Variants in SLC16A7 observed in about 807,000 individuals in gnomAD.
SLC16A7 encodes solute carrier family 16 member 7.
SLC16A7 carries 33 observed loss-of-function variants against 34.9 expected under a neutral mutation model. The ratio of observed to expected loss-of-function variants is 0.94; its 90% CI spans 0.72 to 1.26. SLC16A7 has a LOEUF of 1.26. SLC16A7 is among the 50% of genes most tolerant of loss of function. The pLI is 0.00. For synonymous variants in SLC16A7, 201 were observed against 206.6 expected (o/e 0.97, Z 0.23); for missense variants, 573 against 578.1 (o/e 0.99, Z 0.09).
chr12:59,604,244 G>C (rs758655255), intron 1 of SLC16A7, among the ~76,000 whole-genome samples: 14 of 152,188 alleles, frequency 9.2e-5, no homozygotes, highest in Non-Finnish European at 1.9e-4. Context: ...GTGTCAGGGT[G>C]GGAAATCAAG....
chr12:59,753,403 GGAA>G (rs1879851575), intron 3 of SLC16A7, among the ~76,000 whole-genome samples: 1 of 152,116 alleles, frequency 6.6e-6, no homozygotes, highest in Non-Finnish European at 1.5e-5. Flanking sequence ...ATAAAAGGAT[GGAA>G]GAAGATCTAC....
At chr12:59,665,958 A>C (rs1263875771) in intron 2 of SLC16A7, among the ~76,000 whole-genome samples, 1 of 152,098 alleles carries the variant, frequency 6.6e-6, no homozygotes, top group Admixed American at 6.6e-5. Flanking sequence ...AGTAAACATC[A>C]AAAGCTAAAT....
chr12:59,598,134 C>G (rs1878510682), intron 1 of SLC16A7, among the ~76,000 whole-genome samples: 1 of 152,172 alleles, frequency 6.6e-6, no homozygotes, highest in Non-Finnish European at 1.5e-5. Flanking sequence ...GCTTTTAATT[C>G]TGTATTCATC....
chr12:59,714,645 A>G (rs1289505772), intron 3 of SLC16A7, among the ~76,000 whole-genome samples: 3 of 151,220 alleles, frequency 2.0e-5, no homozygotes, highest in African/African-American at 7.3e-5. Context: ...GCTCACTGCA[A>G]CCTCCGCCTC....
At chr12:59,748,136 A>C (rs1480405501) in intron 3 of SLC16A7, among the ~76,000 whole-genome samples, 1 of 152,104 alleles carries the variant, frequency 6.6e-6, no homozygotes, top group African/African-American at 2.4e-5. Flanking sequence ...TAATCGAGGG[A>C]TTGGTAGAAG....
chr12:59,683,295 CT>C (rs1226717641), intron 2 of SLC16A7, among the ~76,000 whole-genome samples: 1 of 152,056 alleles, frequency 6.6e-6, no homozygotes, highest in Non-Finnish European at 1.5e-5. Flanking sequence ...GGTATGCCTT[CT>C]ATTGAAGATG....
chr12:59,712,227 C>A (rs1012624450), intron 3 of SLC16A7, among the ~76,000 whole-genome samples: 3 of 152,046 alleles, frequency 2.0e-5, no homozygotes, highest in African/African-American at 7.2e-5. Context: ...AGTGAAACTG[C>A]AGATAAGGAA....
chr12:59,666,932 T>G (rs1465930620), intron 2 of SLC16A7, among the ~76,000 whole-genome samples: 1 of 152,138 alleles, frequency 6.6e-6, no homozygotes, highest in African/African-American at 2.4e-5. Flanking sequence ...TGTTTCCCAC[T>G]GCTGATAAAG....
intron 1 of SLC16A7, among the ~76,000 whole-genome samples, chr12:59,649,617 A>G (rs1282510420): frequency 6.6e-6 from 1 of 152,046 alleles, no homozygotes; most frequent in Non-Finnish European, 1.5e-5. Flanking sequence ...CTGGATCTAT[A>G]CCTCTGGTTT....
intron 2 of SLC16A7, among the ~76,000 whole-genome samples, chr12:59,704,199 C>CAAAAAAA (rs34021022): frequency 1.2e-3 from 60 of 51,306 alleles, no homozygotes; most frequent in Admixed American, 1.9e-3. Context: ...GACTCTGTCT[C>CAAAAAAA]AAAAAAAAAA....
chr12:59,636,423 T>G (rs1388492219), intron 1 of SLC16A7, among the ~76,000 whole-genome samples: 1 of 152,148 alleles, frequency 6.6e-6, no homozygotes, highest in Non-Finnish European at 1.5e-5. Flanking sequence ...ACATACTTTT[T>G]TTTACATCTG....
At chr12:59,756,136 C>T (rs145270754) in intron 3 of SLC16A7, among the ~76,000 whole-genome samples, 404 of 152,232 alleles carry the variant, frequency 2.7e-3, no homozygotes, top group African/African-American at 9.3e-3. Context: ...AAACGTTAGA[C>T]CTAAAACCAT....
At chr12:59,731,370 A>G (rs1021251895) in intron 3 of SLC16A7, among the ~76,000 whole-genome samples, 1 of 152,162 alleles carries the variant, frequency 6.6e-6, no homozygotes, top group African/African-American at 2.4e-5. Flanking sequence ...TATGATCATC[A>G]TTTTCCAAAT....
At chr12:59,599,842 A>G (rs1034525015) in intron 1 of SLC16A7, among the ~76,000 whole-genome samples, 5 of 152,158 alleles carry the variant, frequency 3.3e-5, no homozygotes, top group African/African-American at 1.2e-4. Context: ...GCTGATTCTT[A>G]TATTTTACCT....
chr12:59,705,151 A>G (rs1381174249), intron 3 of SLC16A7, 133 bp downstream of exon 3: 2 of 616,648 alleles, frequency 3.2e-6, no homozygotes, highest in East Asian at 5.5e-5. Flanking sequence ...AATCAAAAGT[A>G]TAATTAGAAC....
At chr12:59,696,087 T>C (rs1279611434) in intron 2 of SLC16A7, among the ~76,000 whole-genome samples, 1 of 151,964 alleles carries the variant, frequency 6.6e-6, no homozygotes, top group African/African-American at 2.4e-5. Flanking sequence ...GGTAATTATT[T>C]AAGTGACAGA....
intron 3 of SLC16A7, among the ~76,000 whole-genome samples, chr12:59,713,684 C>A (rs974479570): frequency 2.0e-5 from 3 of 152,068 alleles, no homozygotes; most frequent in African/African-American, 7.2e-5. Context: ...TAGATTTGAC[C>A]CTAAGGGGAC....
intron 1 of SLC16A7, among the ~76,000 whole-genome samples, chr12:59,609,273 C>T (rs1218507455): frequency 6.6e-6 from 1 of 152,176 alleles, no homozygotes; most frequent in African/African-American, 2.4e-5. Context: ...TGTCCTGGGA[C>T]AAAGTCCGTT....
chr12:59,766,507 C>G (rs1881650351), intron 3 of SLC16A7, among the ~76,000 whole-genome samples: 1 of 152,144 alleles, frequency 6.6e-6, no homozygotes, highest in Non-Finnish European at 1.5e-5. Flanking sequence ...TATGTCCCAT[C>G]AATACCTAAT....
Sources: gnomAD v4.1 joint callset for allele counts (sites outside exome capture counted in the v4.1 genomes callset) on GRCh38, gnomAD v4.1.1 for gene constraint, MANE v1.5 for transcripts, NCBI Gene and HGNC (gene_info 2026-07-23, HGNC 2026-07-21) for gene names.